The following CCNB3 variants were observed in gnomAD, a reference collection of about 807,000 sequenced individuals.
The protein encoded by CCNB3 is cyclin B3.
In CCNB3, 12 loss-of-function variants were observed where a neutral mutation model predicts 68.0. The observed-to-expected ratio is 0.18, with a 90% CI of 0.11 to 0.29. CCNB3 has a LOEUF of 0.29. Among genes scored for constraint, CCNB3 ranks in the 10% least tolerant of loss-of-function variants. The probability of loss-of-function intolerance (pLI) is 1.00; values close to 1 mark genes in which losing one functional copy is unlikely to be tolerated. For missense variants in CCNB3, 904 were observed against 993.1 expected, an observed-to-expected ratio of 0.91 and a Z score of 1.21; for synonymous variants, 354 against 388.9, an observed-to-expected ratio of 0.91 and a Z score of 1.06.
chrX:50,316,779 A>G (rs782784707), intron 8 of CCNB3, among the ~76,000 whole-genome samples: 28 of 112,477 alleles, frequency 2.5e-4, no homozygotes, highest in Non-Finnish European at 4.9e-4. Flanking sequence ...TGCAGATATC[A>G]TTAGTTCATT....
chrX:50,206,228 C>T (rs1283627593), intron 1 of CCNB3, among the ~76,000 whole-genome samples: 2 of 106,021 alleles, frequency 1.9e-5, no homozygotes, highest in Non-Finnish European at 3.9e-5. Flanking sequence ...GGCGACAGAG[C>T]GAGATTCCAT....
rs1180602569 is a variant in CCNB3, at chrX:50,285,204, C to T, written c.41C>T (p.Pro14Leu). Residue 14 changes from proline to leucine, a missense_variant, in exon 3 of 13, where the codon CCT becomes CTT. By Grantham distance (98) the Pro-to-Leu change is moderately conservative (BLOSUM62 -3). This residue lies in a region of CCNB3 where 619 missense variants were observed against 609.8 expected (regional missense o/e 1.02). Transcript: ENST00000376042. Reference sequence around the variant, plus strand: ...CCACCCCAGAGCTCCAAACCTGTGCCTAAGAAATCTCAGTCCAGCAAAATT... The same window carrying T: ...CCACCCCAGAGCTCCAAACCTGTGCTTAAGAAATCTCAGTCCAGCAAAATT... ...PLPPQSSKPV[P>L]KKSQSSKIVP... 1.6e-5 allele frequency: 19 copies of T among 1,209,039 alleles called. No homozygotes were observed. The highest frequency in any genetic ancestry group is 2.0e-5 in the Non-Finnish European group (18 of 894,645).
chrX:50,228,540 A>G (rs1002041812), intron 1 of CCNB3, among the ~76,000 whole-genome samples: 4 of 88,808 alleles, frequency 4.5e-5, no homozygotes, highest in African/African-American at 1.6e-4. Flanking sequence ...TATAGAATAT[A>G]TATAGAAGAT....
Position 50,309,537 on chromosome X carries a change from C to T in CCNB3, c.1368C>T (p.Ser456=), listed in dbSNP as rs1264195647. ...TTTCCATCTTAAAGGAGCCCTCGTC[C>T]TTGCTAAAGTCTCCAACTGAGGAGT... ...EEVSILKEPS[S]LLKSPTEESP... The change falls in exon 6 of 13, where the codon TCC becomes TCT. Residue 456 remains serine, a synonymous_variant. Transcript: ENST00000376042. The T allele has an allele frequency of 2.5e-6, 3 of 1,209,413 alleles. No individual in the cohort carries two copies. The highest frequency in any genetic ancestry group is 4.4e-5 in the Admixed American group (2 of 45,664).
In CCNB3 at chrX:50,347,045, G is replaced by A. The variant is rs189829914; in HGVS notation, c.3810+238G>A. On this transcript the variant is annotated intron_variant, in intron 10 of 12. Transcript: ENST00000376042. ...TATAAGGTTTTGAAGTGAGGCCAGAGTTGGGGAGGAGAAACGTTTCTTTTA... is the reference window on the plus strand; with the variant it reads ...TATAAGGTTTTGAAGTGAGGCCAGAATTGGGGAGGAGAAACGTTTCTTTTA... Among the ~76,000 whole-genome samples, 5 of 111,058 alleles carry A rather than the reference G, an allele frequency of 4.5e-5. 1 individual carries two copies. The highest frequency in any genetic ancestry group is 1.6e-4 in the African/African-American group (5 of 30,514).
chrX:50,219,425 T>C (rs1357729235), intron 1 of CCNB3, among the ~76,000 whole-genome samples: 4 of 111,307 alleles, frequency 3.6e-5, no homozygotes, highest in Non-Finnish European at 5.6e-5. Flanking sequence ...AAGTCTTTAA[T>C]CCATCTTCAG....
At chrX:50,280,301 AAT>A (rs1316146662) in intron 1 of CCNB3, among the ~76,000 whole-genome samples, 2 of 100,821 alleles carry the variant, frequency 2.0e-5, no homozygotes, top group Non-Finnish European at 3.9e-5. Context: ...TATAGATATA[AAT>A]ATATATATAG....
chrX:50,288,605 A>T (rs1234833512), intron 3 of CCNB3, among the ~76,000 whole-genome samples, 175 bp from the exon 4 acceptor site: 1 of 111,172 alleles, frequency 9.0e-6, no homozygotes, highest in Non-Finnish European at 1.9e-5. Flanking sequence ...TTAGGGACTT[A>T]ATAAACAGCT....
chrX:50,226,299 T>C (rs1296402893), intron 1 of CCNB3, among the ~76,000 whole-genome samples: 1,236 of 60,558 alleles, frequency 0.02, 90 homozygotes, highest in African/African-American at 0.091. Flanking sequence ...ATAGAATATA[T>C]ATATAGAAAT....
chrX:50,290,563 C>G (rs782641014), intron 4 of CCNB3, among the ~76,000 whole-genome samples: 1 of 112,315 alleles, frequency 8.9e-6, no homozygotes, highest in East Asian at 2.8e-4. Context: ...AGTAAAGTAT[C>G]ACAGCGCATG....
At chrX:50,226,350 T>C (rs1225763772) in intron 1 of CCNB3, among the ~76,000 whole-genome samples, 5 of 48,600 alleles carry the variant, frequency 1.0e-4, no homozygotes, top group Non-Finnish European at 1.4e-4. Flanking sequence ...AGAATATATA[T>C]AAAAATATGT....
chrX:50,213,822 T>C lies in CCNB3; in HGVS notation c.-113+8872T>C, dbSNP rs1158324587. 3.6e-5 allele frequency among the ~76,000 whole-genome samples: 4 copies of C among 111,681 alleles called. No homozygotes were observed. In the South Asian group the frequency reaches 1.1e-3, roughly 32 times the overall value. On this transcript the variant is annotated intron_variant, in intron 1 of 12. Coordinates refer to ENST00000376042, the MANE Select transcript of CCNB3 (RefSeq NM_033031.3). Reference sequence around the variant, plus strand: ...GTTTAAAGTATTCCTTTATCCTTTTTATGTCAGTAGGGTCTGTAGCATAAT... The same window carrying C: ...GTTTAAAGTATTCCTTTATCCTTTTCATGTCAGTAGGGTCTGTAGCATAAT...
At position 50,283,296 on chromosome X, in the gene CCNB3, AAG is replaced by A. The variant is rs201000779; in HGVS notation, c.-112-1242_-112-1241del. Among the ~76,000 whole-genome samples the A allele has an allele frequency of 7.4e-3, 828 of 111,251 alleles. 9 individuals are homozygous for A. Among genetic ancestry groups the A allele is most frequent in the African/African-American group, 0.026 (798 of 30,601 alleles). The stretch of plus-strand genomic sequence containing the variant: ...TTTGGAATATTTTTGAGTGTGATCG[AAG>A]AGACTTCATGGTATTTTAGAAACTG... On this transcript the variant is annotated intron_variant, in intron 1 of 12. Transcript: ENST00000376042.
intron 8 of CCNB3, among the ~76,000 whole-genome samples, chrX:50,335,246 C>T (rs1922792828): frequency 8.9e-6 from 1 of 112,179 alleles, no homozygotes; most frequent in African/African-American, 3.2e-5. Flanking sequence ...TCCGGATCTT[C>T]CCACTGAAAG....
chrX:50,290,596 A>G (rs781880766), intron 4 of CCNB3, among the ~76,000 whole-genome samples: 52 of 112,252 alleles, frequency 4.6e-4, no homozygotes, highest in Non-Finnish European at 6.9e-4. Context: ...GTGACATCTC[A>G]GTCCCTTTTT....
chrX:50,291,089 G>A (rs2147030407), intron 4 of CCNB3, among the ~76,000 whole-genome samples: 1 of 111,152 alleles, frequency 9.0e-6, no homozygotes, highest in African/African-American at 3.3e-5. Context: ...GCCACAGTGA[G>A]ATCCTGGCCT....
At chrX:50,217,838 G>C (rs1935604073) in intron 1 of CCNB3, among the ~76,000 whole-genome samples, 1 of 111,597 alleles carries the variant, frequency 9.0e-6, no homozygotes. Flanking sequence ...GGTTTATCCT[G>C]TTTACGATTT....
chrX:50,345,625 C>CA (rs1456031149), intron 9 of CCNB3, among the ~76,000 whole-genome samples: 1 of 111,272 alleles, frequency 9.0e-6, no homozygotes. Context: ...CTCTGTTGGC[C>CA]AGGACAGAGG....
At chrX:50,338,113 T>C (rs1447335162) in intron 8 of CCNB3, among the ~76,000 whole-genome samples, 1 of 111,832 alleles carries the variant, frequency 8.9e-6, no homozygotes, top group Non-Finnish European at 1.9e-5. Flanking sequence ...GGCAATTGCC[T>C]ACCCGGGAGC....
Sources: allele counts gnomAD v4.1 joint callset (sites outside exome capture counted in the v4.1 genomes callset), GRCh38; gene constraint gnomAD v4.1.1; regional missense constraint gnomAD v4.1.1; transcripts MANE v1.5; gene names NCBI Gene and HGNC (gene_info 2026-07-23, HGNC 2026-07-21).